ANKRD11: variants seen among roughly 807,000 people sequenced by gnomAD.
ANKRD11 encodes the protein ankyrin repeat domain-containing protein 11.
A neutral mutation model predicts 195.7 loss-of-function variants in ANKRD11; 17 were observed. The ratio of observed to expected loss-of-function variants is 0.09; its 90% CI spans 0.06 to 0.13. The LOEUF (loss-of-function observed/expected upper bound fraction) is 0.13. ANKRD11 is among the 10% of genes least tolerant of loss of function. ANKRD11 has a pLI of 1.00. For missense variants in ANKRD11, 3,735 were observed against 3,566.1 expected (o/e 1.05, Z -1.21); for synonymous variants, 1,953 against 1,528.1 (o/e 1.28, Z -6.49).
chr16:89,415,218 T>C (rs1161132576), intron 2 of ANKRD11, among the ~76,000 whole-genome samples: 1 of 150,428 alleles, frequency 6.6e-6, no homozygotes, highest in Non-Finnish European at 1.5e-5. Flanking sequence ...CCTCCCAAAG[T>C]GCTGGGATTA....
chr16:89,438,786 G>A (rs2043323890), intron 1 of ANKRD11, among the ~76,000 whole-genome samples: 2 of 152,098 alleles, frequency 1.3e-5, no homozygotes, highest in Non-Finnish European at 2.9e-5. Flanking sequence ...TGGGAGGACT[G>A]CTTGATCCCA....
At chr16:89,313,563 C>T in intron 3 of ANKRD11, 1 of 1,289,162 alleles carries the variant, frequency 7.8e-7, no homozygotes, top group Non-Finnish European at 1.0e-6. Context: ...GTATATGTCA[C>T]TGAGATCACG....
At chr16:89,432,388 C>T (rs951152440) in intron 1 of ANKRD11, among the ~76,000 whole-genome samples, 2 of 152,080 alleles carry the variant, frequency 1.3e-5, no homozygotes, top group Admixed American at 6.6e-5. Context: ...GACCCATCGC[C>T]GTGGCAGCCG....
intron 1 of ANKRD11, among the ~76,000 whole-genome samples, chr16:89,440,859 G>A (rs570235620): frequency 1.3e-5 from 2 of 152,350 alleles, no homozygotes; most frequent in South Asian, 2.1e-4. Flanking sequence ...GTGGCAATGC[G>A]TGTGAGTGCG....
At chr16:89,415,829 C>CAAAAAAAAAAAAAAAAAACA (rs2042278806) in intron 2 of ANKRD11, among the ~76,000 whole-genome samples, 1 of 39,744 alleles carries the variant, frequency 2.5e-5, no homozygotes, top group African/African-American at 9.3e-5. Context: ...GACTCTGTCT[C>CAAAAAAAAAAAAAAAAAACA]AAAAAAAAAA....
At chr16:89,324,235 G>C in intron 2 of ANKRD11, 2 of 1,202,550 alleles carry the variant, frequency 1.7e-6, no homozygotes, top group Non-Finnish European at 2.1e-6. Context: ...TTGCCCCTCA[G>C]ACACATGCTT....
At chr16:89,408,737 T>G (rs914119639) in intron 2 of ANKRD11, among the ~76,000 whole-genome samples, 1 of 151,788 alleles carries the variant, frequency 6.6e-6, no homozygotes, top group African/African-American at 2.4e-5. Flanking sequence ...ACTCACTCAC[T>G]TCACTGATCA....
intron 1 of ANKRD11, among the ~76,000 whole-genome samples, chr16:89,480,948 T>A (rs914295954): frequency 6.6e-6 from 1 of 152,130 alleles, no homozygotes; most frequent in Non-Finnish European, 1.5e-5. Flanking sequence ...ATCACACCAG[T>A]GACGTCCACA....
chr16:89,474,493 A>T (rs988151667), intron 1 of ANKRD11, among the ~76,000 whole-genome samples: 3 of 151,996 alleles, frequency 2.0e-5, no homozygotes, highest in African/African-American at 7.3e-5. Flanking sequence ...GACCAGAAAT[A>T]TACCCCCACA....
At chr16:89,342,092 T>G (rs1382842468) in intron 2 of ANKRD11, among the ~76,000 whole-genome samples, 2 of 102,964 alleles carry the variant, frequency 1.9e-5, no homozygotes, top group African/African-American at 7.6e-5. Context: ...CAGCTCTGCT[T>G]CCCACCCTCC....
chr16:89,332,600 A>G (rs1000223802), intron 2 of ANKRD11, among the ~76,000 whole-genome samples: 2 of 152,242 alleles, frequency 1.3e-5, no homozygotes, highest in Non-Finnish European at 2.9e-5. Context: ...TTAAATGAAA[A>G]AGCACTATCT....
At chr16:89,449,746 T>A (rs938338735) in intron 1 of ANKRD11, among the ~76,000 whole-genome samples, 1 of 152,000 alleles carries the variant, frequency 6.6e-6, no homozygotes, top group Non-Finnish European at 1.5e-5. Flanking sequence ...TGAGCCGAGA[T>A]TGTGTCACTG....
chr16:89,483,052 C>G (rs2057495146), intron 1 of ANKRD11, among the ~76,000 whole-genome samples: 1 of 152,184 alleles, frequency 6.6e-6, no homozygotes, highest in Non-Finnish European at 1.5e-5. Flanking sequence ...CGCTGGAAAA[C>G]CAACACGGGC....
intron 3 of ANKRD11, among the ~76,000 whole-genome samples, chr16:89,316,729 G>A (rs889304051): frequency 3.9e-5 from 6 of 152,126 alleles, no homozygotes; most frequent in Non-Finnish European, 4.4e-5. Flanking sequence ...GCTTGACTTC[G>A]GTCCCCAAAT....
chr16:89,274,976 A>C lies in ANKRD11; in HGVS notation c.7570-19T>G. 1 of 1,612,992 alleles carries C rather than the reference A, an allele frequency of 6.2e-7. No individual in the cohort carries two copies. Among genetic ancestry groups the C allele is most frequent in the East Asian group, 2.2e-5 (1 of 44,868 alleles). On this transcript the variant is annotated intron_variant, in intron 10 of 12. Coordinates refer to ENST00000301030, the MANE Select transcript of ANKRD11 (RefSeq NM_013275.6). ...GCTTCTCCTGAAGGAGGAGAGGAGT[A>C]GAGTGAGCTGGGACACAGCCACGCT...
intron 1 of ANKRD11, among the ~76,000 whole-genome samples, chr16:89,488,386 C>T (rs1435354678): frequency 1.3e-5 from 2 of 151,932 alleles, no homozygotes; most frequent in South Asian, 4.2e-4. Context: ...GGAGGCCACA[C>T]CAACTATACG....
intron 1 of ANKRD11, among the ~76,000 whole-genome samples, chr16:89,476,228 A>C (rs546741162): frequency 1.3e-5 from 2 of 152,260 alleles, no homozygotes; most frequent in African/African-American, 2.4e-5. Flanking sequence ...AATCAAATTC[A>C]AATGAACCTA....
chr16:89,486,619 G>A (rs115174132), intron 1 of ANKRD11, among the ~76,000 whole-genome samples: 1,685 of 152,252 alleles, frequency 0.011, 33 homozygotes, highest in African/African-American at 0.039. Flanking sequence ...CAAGGCCAAC[G>A]CAGCCAGAAT....
At chr16:89,416,404 C>T (rs897557618) in intron 2 of ANKRD11, among the ~76,000 whole-genome samples, 5 of 151,884 alleles carry the variant, frequency 3.3e-5, no homozygotes, top group Admixed American at 3.3e-4. Flanking sequence ...GTTCAAGCAA[C>T]GCTCCTGCCT....
Sources: allele counts gnomAD v4.1 joint callset (sites outside exome capture counted in the v4.1 genomes callset), GRCh38; gene constraint gnomAD v4.1.1; transcripts MANE v1.5; gene names NCBI Gene and HGNC (gene_info 2026-07-23, HGNC 2026-07-21).